The following ZNF562 variants were observed in gnomAD, a reference collection of about 807,000 sequenced individuals.
ZNF562 encodes the protein zinc finger protein 562.
A neutral mutation model predicts 17.5 loss-of-function variants in ZNF562; 13 were observed. The observed-to-expected ratio is 0.74, with a 90% CI of 0.48 to 1.18. The LOEUF is 1.18. Ranked by LOEUF, ZNF562 falls within the 50% of genes most tolerant of loss-of-function variation. The pLI, the probability that ZNF562 is intolerant of heterozygous loss-of-function variation, is 0.00. For synonymous variants in ZNF562, 163 were observed against 165.4 expected, an observed-to-expected ratio of 0.99 and a Z score of 0.11; for missense variants, 481 against 498.5, an observed-to-expected ratio of 0.96 and a Z score of 0.33.
chr19:9,657,299 C>G (rs531987011), intron 4 of ZNF562, among the ~76,000 whole-genome samples: 26 of 149,426 alleles, frequency 1.7e-4, no homozygotes, highest in African/African-American at 6.4e-4. Context: ...GAAGCTGAGG[C>G]AGGAGAATGG....
chr19:9,662,393 G>C (rs866591633), intron 1 of ZNF562, among the ~76,000 whole-genome samples: 1 of 151,886 alleles, frequency 6.6e-6, no homozygotes. Context: ...GGCCATCATG[G>C]CAAAACCCTG....
At chr19:9,669,252 T>C (rs572573760) in intron 1 of ZNF562, among the ~76,000 whole-genome samples, 1 of 151,914 alleles carries the variant, frequency 6.6e-6, no homozygotes, top group Admixed American at 6.6e-5. Context: ...GAACTCAAAC[T>C]TGATAACAAA....
intron 4 of ZNF562, among the ~76,000 whole-genome samples, chr19:9,657,053 A>G (rs2043521299): frequency 6.7e-6 from 1 of 148,912 alleles, no homozygotes; most frequent in South Asian, 2.1e-4. Context: ...AAAAAAAAAG[A>G]AAAAAGAAAA....
intron 5 of ZNF562, among the ~76,000 whole-genome samples, chr19:9,656,098 AATG>A (rs1190427975): frequency 6.6e-6 from 1 of 152,154 alleles, no homozygotes; most frequent in Admixed American, 6.6e-5. Context: ...CCTGGGCTCA[AATG>A]ATGATCCCAC....
chr19:9,674,059 G>A (rs1462983637), intron 1 of ZNF562, among the ~76,000 whole-genome samples: 3 of 152,232 alleles, frequency 2.0e-5, no homozygotes, highest in East Asian at 1.9e-4. Context: ...GACAAGGGAG[G>A]GGAAGGGGTT....
Position 9,651,657 on chromosome 19 carries a change from G to A in ZNF562, c.*1292C>T, listed in dbSNP as rs1314138348. 1 of 152,260 alleles carries A rather than the reference G, an allele frequency of 6.6e-6. No homozygotes were observed. The highest frequency in any genetic ancestry group is 6.5e-5 in the Admixed American group (1 of 15,290). 9.4% of individuals were successfully genotyped at this position (152,260 alleles called of 1,614,324 possible). A position where few individuals can be genotyped will look rare whatever the true frequency, so the allele number is the denominator to read the frequency against. On this transcript the variant is annotated 3_prime_UTR_variant, in exon 6 of 6. Transcript: ENST00000453372. The stretch of plus-strand genomic sequence containing the variant: ...ATTCCTAAACCACAAACAATAGCAT[G>A]AGTGATTTGTGCCTTAAGGACATAT...
chr19:9,672,783 T>TC (rs1568285603), intron 1 of ZNF562, among the ~76,000 whole-genome samples: 1 of 149,204 alleles, frequency 6.7e-6, no homozygotes, highest in East Asian at 1.9e-4. Context: ...CTTTCTTTTT[T>TC]TTTTTTTTTT....
At chr19:9,666,550 C>T (rs1360237563) in intron 1 of ZNF562, among the ~76,000 whole-genome samples, 1 of 151,228 alleles carries the variant, frequency 6.6e-6, no homozygotes, top group Non-Finnish European at 1.5e-5. Flanking sequence ...GAATAAAGAC[C>T]AGAGCCAAAA....
chr19:9,670,240 A>AAAAAC (rs898106932), intron 1 of ZNF562, among the ~76,000 whole-genome samples: 1 of 152,140 alleles, frequency 6.6e-6, no homozygotes, highest in Non-Finnish European at 1.5e-5. Flanking sequence ...CTATCTCAAA[A>AAAAAC]AAAACAAAAC....
intron 1 of ZNF562, among the ~76,000 whole-genome samples, chr19:9,671,155 G>A (rs1024378859): frequency 6.6e-6 from 1 of 152,070 alleles, no homozygotes; most frequent in Non-Finnish European, 1.5e-5. Flanking sequence ...CTACAATATA[G>A]AAAAGATAAA....
At chr19:9,670,576 A>G (rs2044153431) in intron 1 of ZNF562, among the ~76,000 whole-genome samples, 1 of 152,226 alleles carries the variant, frequency 6.6e-6, no homozygotes, top group Non-Finnish European at 1.5e-5. Flanking sequence ...TAAGCCAAGC[A>G]CAGCAGACAA....
chr19:9,671,020 T>C (rs1245624894), intron 1 of ZNF562, among the ~76,000 whole-genome samples: 1 of 144,466 alleles, frequency 6.9e-6, no homozygotes, highest in Admixed American at 6.9e-5. Context: ...AAAAAAGAGG[T>C]TGATTCATCG....
rs1216501697 is a variant in ZNF562 at position 9,642,830 on chromosome 19, A to G, written c.*10119T>C. Reference sequence around the variant, plus strand: ...ATAACTTGAACAGGATTTCAAGACCAGCCTGGGCAATATAGTGAGACACAG... The same window carrying G: ...ATAACTTGAACAGGATTTCAAGACCGGCCTGGGCAATATAGTGAGACACAG... On this transcript the variant is annotated 3_prime_UTR_variant, in exon 6 of 6. Transcript: ENST00000453372. The G allele has an allele frequency of 6.6e-6, 1 of 151,632 alleles. No individual in the cohort carries two copies. Among genetic ancestry groups the G allele is most frequent in the Non-Finnish European group, 1.5e-5 (1 of 67,948 alleles). The allele number at this position is 151,632 out of a possible 1,614,324, so 9.4% of individuals were successfully genotyped here.
chr19:9,671,952 A>T (rs2044215432), intron 1 of ZNF562, among the ~76,000 whole-genome samples: 1 of 152,212 alleles, frequency 6.6e-6, no homozygotes, highest in South Asian at 2.1e-4. Context: ...TGAAGTACAT[A>T]CTGTCACCCA....
chr19:9,670,256 A>G (rs1033320376), intron 1 of ZNF562, among the ~76,000 whole-genome samples: 1 of 151,730 alleles, frequency 6.6e-6, no homozygotes, highest in African/African-American at 2.4e-5. Flanking sequence ...AAAACAAAAC[A>G]AAAAAAACAG....
chr19:9,664,217 C>A (rs1043919264), intron 1 of ZNF562, among the ~76,000 whole-genome samples: 2 of 152,188 alleles, frequency 1.3e-5, no homozygotes, highest in African/African-American at 4.8e-5. Flanking sequence ...TACAGGCATA[C>A]ATCACCACAC....
chr19:9,672,782 T>TC (rs981369402), intron 1 of ZNF562, among the ~76,000 whole-genome samples: 11 of 149,024 alleles, frequency 7.4e-5, no homozygotes, highest in Admixed American at 2.0e-4. Flanking sequence ...CCTTTCTTTT[T>TC]TTTTTTTTTT....
At position 9,644,084 on chromosome 19, in the gene ZNF562, CG is replaced by C. The variant is rs2074790981; in HGVS notation, c.*8864del. 1 of 152,006 alleles carries C rather than the reference CG, an allele frequency of 6.6e-6. No individual in the cohort carries two copies. The highest frequency in any genetic ancestry group is 2.4e-5 in the African/African-American group (1 of 41,388). 9.4% of individuals were successfully genotyped at this position (152,006 alleles called of 1,614,324 possible). A position where few individuals can be genotyped will look rare whatever the true frequency, so the allele number is the denominator to read the frequency against. ...CTGGGATTACAGGCATGTGAGCCAC[CG>C]TACCTGGCTTACTTAGTGAATTTGT... On this transcript the variant is annotated 3_prime_UTR_variant, in exon 6 of 6. Transcript: ENST00000453372.
At chr19:9,670,575 C>T (rs1379823814) in intron 1 of ZNF562, among the ~76,000 whole-genome samples, 1 of 152,128 alleles carries the variant, frequency 6.6e-6, no homozygotes, top group Non-Finnish European at 1.5e-5. Flanking sequence ...ATAAGCCAAG[C>T]ACAGCAGACA....
Sources: gnomAD v4.1 joint callset for allele counts (sites outside exome capture counted in the v4.1 genomes callset) on GRCh38, gnomAD v4.1.1 for gene constraint, MANE v1.5 for transcripts, NCBI Gene and HGNC (gene_info 2026-07-23, HGNC 2026-07-21) for gene names.